APBB1: variants seen among roughly 807,000 people sequenced by gnomAD.
APBB1 encodes adaptor protein FE65a2.
APBB1 carries 22 observed loss-of-function variants against 78.4 expected under a neutral mutation model. The ratio of observed to expected loss-of-function variants is 0.28; its 90% CI spans 0.20 to 0.40. The LOEUF (loss-of-function observed/expected upper bound fraction) is 0.40. Among genes scored for constraint, APBB1 ranks in the 10% least tolerant of loss-of-function variants. APBB1 has a pLI of 1.00. For missense variants in APBB1, 749 were observed against 932.4 expected, an observed-to-expected ratio of 0.80 and a Z score of 2.56; for synonymous variants, 369 against 372.7, an observed-to-expected ratio of 0.99 and a Z score of 0.12.
intron 12 of APBB1, 41 bp downstream of exon 12, chr11:6,400,948 G>T: frequency 6.3e-7 from 1 of 1,578,718 alleles, no homozygotes; most frequent in South Asian, 1.1e-5. Flanking sequence ...AGAGTTTTAG[G>T]ATCAAGGTAG....
intron 2 of APBB1, among the ~76,000 whole-genome samples, chr11:6,404,450 A>C (rs923354415): frequency 1.3e-5 from 2 of 152,134 alleles, no homozygotes; most frequent in Non-Finnish European, 2.9e-5. Context: ...CAATGGCCCC[A>C]ACACACGTGT....
rs375595025 is a variant in APBB1, at chr11:6,403,279, G to A, written c.1040+40C>T. On this transcript the variant is annotated intron_variant, in intron 5 of 14. Transcript: ENST00000609360. The surrounding 1 kb of genome is among the most constrained non-coding windows in gnomAD (Gnocchi z 5.3). ...GCTGTCCCAAGGCCCCTTCCAGACA[G>A]ATCCATCCCACTGCCAGCTCACTGC... The A allele has an allele frequency of 7.3e-5, 118 of 1,612,338 alleles. No individual in the cohort carries two copies. Among genetic ancestry groups the A allele is most frequent in the Non-Finnish European group, 9.7e-5 (114 of 1,179,038 alleles).
chr11:6,414,317 C>T (rs1477078667), intron 1 of APBB1, among the ~76,000 whole-genome samples: 1 of 152,180 alleles, frequency 6.6e-6, no homozygotes, highest in Non-Finnish European at 1.5e-5. Flanking sequence ...AGCTCCTAAG[C>T]AGTCTTTCCT....
chr11:6,401,360 C>T lies in APBB1; in HGVS notation c.1573G>A (p.Asp525Asn). The T allele has an allele frequency of 6.2e-7, 1 of 1,614,166 alleles. No homozygotes were observed. The highest frequency in any genetic ancestry group is 1.3e-5 in the African/African-American group (1 of 75,028). The change falls in exon 11 of 15, where the codon GAT (aspartate) becomes AAT (asparagine). Residue 525 changes from aspartate (D) to asparagine (N), a missense_variant. Around this residue, in one of 3 missense-constraint regions of APBB1, gnomAD observed 635 missense variants for 765.0 expected, o/e 0.83. Coordinates refer to ENST00000609360, the MANE Select transcript of APBB1 (RefSeq NM_001164.5). This position sits in a 1 kb window ranked among gnomAD's most constrained non-coding sequence, Gnocchi z 4.5. ...TGACACTGACCTTGGAAAGGGACAT[C>T]CACAAGTTTAGAGTGGTCCAGGGAG... ...GLSLDHSKLV[D>N]VPFQVEFPAP...
At chr11:6,413,261 A>G (rs1347667662) in intron 1 of APBB1, among the ~76,000 whole-genome samples, 1 of 151,964 alleles carries the variant, frequency 6.6e-6, no homozygotes, top group East Asian at 1.9e-4. Flanking sequence ...CTCTTGCCCT[A>G]CCCGACCCTT....
chr11:6,395,650 G>A lies in APBB1; in HGVS notation c.2017C>T (p.Leu673Phe). 6.3e-7 allele frequency: 1 copy of A among 1,594,536 alleles called. No individual in the cohort carries two copies. Among genetic ancestry groups the A allele is most frequent in the East Asian group, 2.2e-5 (1 of 44,662 alleles). Residue 673 changes from leucine (L) to phenylalanine (F), a missense_variant, in exon 15 of 15, where the codon CTC (leucine) becomes TTC (phenylalanine). By Grantham distance (22) the Leu-to-Phe change is conservative (BLOSUM62 0). Transcript: ENST00000609360. The surrounding 1 kb of genome is among the most constrained non-coding windows in gnomAD (Gnocchi z 5.2). Reference sequence around the variant, plus strand: ...ACAGACTCAGCAGGGGGTGCTGGGAGGCAGGAGGTGGAGGCCTGGGAACGG... The same window carrying A: ...ACAGACTCAGCAGGGGGTGCTGGGAAGCAGGAGGTGGAGGCCTGGGAACGG... ...DARSQASTSC[L>F]PAPPAESVAR...
chr11:6,416,825 T>C (rs1379643739), intron 1 of APBB1, among the ~76,000 whole-genome samples: 6 of 151,356 alleles, frequency 4.0e-5, no homozygotes. Context: ...TACTGCAACC[T>C]CTGCCTCCCG....
intron 2 of APBB1, among the ~76,000 whole-genome samples, chr11:6,410,172 CT>C (rs1564945084): frequency 6.6e-6 from 1 of 152,108 alleles, no homozygotes; most frequent in Non-Finnish European, 1.5e-5. Flanking sequence ...GGGCCAAGAG[CT>C]CAGGCCTGGA....
At position 6,401,549 on chromosome 11, in the gene APBB1, G is replaced by A. The variant is rs1848509751; in HGVS notation, c.1503+25C>T. On this transcript the variant is annotated intron_variant, in intron 10 of 14. Transcript: ENST00000609360. This position sits in a 1 kb window ranked among gnomAD's most constrained non-coding sequence, Gnocchi z 4.5. ...CCTTGTAGAGCAAAGGTGGCAACTA[G>A]TCCAGGGAGTGGAGGGGGCCGTGCC... The A allele has an allele frequency of 1.2e-6, 2 of 1,614,188 alleles. No homozygotes were observed. Among genetic ancestry groups the A allele is most frequent in the Non-Finnish European group, 8.5e-7 (1 of 1,180,030 alleles).
chr11:6,402,826 G>A, intron 6 of APBB1, 101 bp from the exon 7 acceptor site: 1 of 1,451,672 alleles, frequency 6.9e-7, no homozygotes. Context: ...TCTGAACTAA[G>A]ACGGAGAAGC....
chr11:6,405,314 G>A, intron 2 of APBB1: 1 of 988,082 alleles, frequency 1.0e-6, no homozygotes, highest in Non-Finnish European at 1.2e-6. Flanking sequence ...CCAAGGGTGG[G>A]CTTTGAGGTC....
In APBB1 at chr11:6,395,352, C is replaced by A; in HGVS notation, c.*182G>T. Reference sequence around the variant, plus strand: ...CCTCTTGTTACCACTCCAGTGTTATCACTTCCTTGAAGGGATTAGATCTCT... The same window carrying A: ...CCTCTTGTTACCACTCCAGTGTTATAACTTCCTTGAAGGGATTAGATCTCT... On this transcript the variant is annotated 3_prime_UTR_variant, in exon 15 of 15. Transcript: ENST00000609360. The surrounding 1 kb of genome is among the most constrained non-coding windows in gnomAD (Gnocchi z 5.2). 1.7e-6 allele frequency: 1 copy of A among 579,290 alleles called. No individual in the cohort carries two copies. Among genetic ancestry groups the A allele is most frequent in the Non-Finnish European group, 2.8e-6 (1 of 357,246 alleles). 35.9% of individuals were successfully genotyped at this position (579,290 alleles called of 1,614,324 possible).
upstream of APBB1, chr11:6,419,297 A>G (rs901426116): frequency 1.1e-5 from 3 of 268,728 alleles, no homozygotes; most frequent in Non-Finnish European, 2.1e-5. Flanking sequence ...ACTCCCTGGG[A>G]CCCCCGCCTA....
chr11:6,402,297 C>A, intron 7 of APBB1, 88 bp from the exon 8 acceptor site: 3 of 1,558,162 alleles, frequency 1.9e-6, no homozygotes, highest in Non-Finnish European at 2.6e-6. Flanking sequence ...ATGTTAGCCA[C>A]AGCTCTGGGG....
Position 6,411,160 on chromosome 11 carries a change from C to A in APBB1, c.188G>T (p.Gly63Val). 1 of 1,609,122 alleles carries A rather than the reference C, an allele frequency of 6.2e-7. No homozygotes were observed. Among genetic ancestry groups the A allele is most frequent in the Non-Finnish European group, 8.5e-7 (1 of 1,179,646 alleles). The change falls in exon 2 of 15, where the codon GGC becomes GTC. Residue 63 changes from glycine to valine, a missense_variant. This residue lies in a region of APBB1 where 635 missense variants were observed against 765.0 expected (regional missense o/e 0.83). Coordinates refer to ENST00000609360, the MANE Select transcript of APBB1 (RefSeq NM_001164.5). The surrounding 1 kb of genome is among the most constrained non-coding windows in gnomAD (Gnocchi z 5.2). ...TTTTAGCCACTTGGCATTGGCAGGG[C>A]CTGGCTCAGGCCCACCACCCTCCCC... is the stretch of plus-strand genomic sequence containing the variant. ...AMGEGGGPEP[G>V]PANAKWLKEG...
intron 1 of APBB1, among the ~76,000 whole-genome samples, chr11:6,413,903 C>T (rs1849049122): frequency 6.6e-6 from 1 of 152,128 alleles, no homozygotes; most frequent in African/African-American, 2.4e-5. Context: ...AGTGTGACTC[C>T]TCCTGGCCAA....
intron 1 of APBB1, among the ~76,000 whole-genome samples, chr11:6,417,398 A>C (rs1407604088): frequency 6.6e-6 from 1 of 152,268 alleles, no homozygotes; most frequent in East Asian, 1.9e-4. Context: ...TTCATGGTAC[A>C]TATTACATTT....
intron 2 of APBB1, among the ~76,000 whole-genome samples, chr11:6,408,739 C>T (rs978523979): frequency 9.2e-5 from 14 of 151,886 alleles, no homozygotes; most frequent in African/African-American, 3.4e-4. Flanking sequence ...CCTGACCTCA[C>T]GTGATCCACC....
chr11:6,408,180 T>C (rs567014446), intron 2 of APBB1, among the ~76,000 whole-genome samples: 1 of 152,206 alleles, frequency 6.6e-6, no homozygotes, highest in South Asian at 2.1e-4. Flanking sequence ...TAACTACCAA[T>C]TTACAGGAAA....
Sources: gnomAD v4.1 joint callset for allele counts (sites outside exome capture counted in the v4.1 genomes callset) on GRCh38, gnomAD v4.1.1 for gene constraint, gnomAD v4.1.1 regional missense constraint, Gnocchi (gnomAD v3.1) non-coding constraint, MANE v1.5 for transcripts, NCBI Gene and HGNC (gene_info 2026-07-23, HGNC 2026-07-21) for gene names.